Variants in ZNF219 observed in about 807,000 individuals in gnomAD.
ZNF219 encodes the protein zinc finger protein 219.
In ZNF219, 17 loss-of-function variants were observed where a neutral mutation model predicts 54.4. That is an observed-to-expected ratio of 0.31 (90% CI 0.21 to 0.47). ZNF219 has a LOEUF of 0.47. Ranked by LOEUF, ZNF219 falls within the 20% of genes least tolerant of loss-of-function variation. The pLI is 1.00. For missense variants in ZNF219, 1,014 were observed against 1,062.3 expected (o/e 0.95, Z 0.63); for synonymous variants, 518 against 476.4 (o/e 1.09, Z -1.14).
In ZNF219 at chr14:21,090,395, C is replaced by T. The variant is rs1888733971; in HGVS notation, c.*141G>A. 6 of 1,194,868 alleles carry T rather than the reference C, an allele frequency of 5.0e-6. No homozygotes were observed. The East Asian group carries it at 1.0e-4, about 20-fold the overall frequency. The allele number at this position is 1,194,868 out of a possible 1,614,324, so 74.0% of individuals were successfully genotyped here. On this transcript the variant is annotated 3_prime_UTR_variant, in exon 5 of 5. Transcript: ENST00000360947. This position sits in a 1 kb window ranked among gnomAD's most constrained non-coding sequence, Gnocchi z 4.4. ...CCGCCAGCCCACCCTCCTACGCCCG[C>T]CGCGCCTTCCACCTCTGGTCCGCCT...
At chr14:21,093,964 C>T in intron 1 of ZNF219, 1 of 389,010 alleles carries the variant, frequency 2.6e-6, no homozygotes. Flanking sequence ...GGAAGACCAT[C>T]ACAATATGCC....
At chr14:21,102,379 G>A, upstream of ZNF219, 1 of 1,551,060 alleles carries the variant, frequency 6.4e-7, no homozygotes, top group Non-Finnish European at 8.7e-7. Context: ...CCTAGGCTGG[G>A]CAGGGCTGAG....
Position 21,092,709 on chromosome 14 carries a change from G to C in ZNF219, c.588C>G (p.Phe196Leu). The C allele has an allele frequency of 6.3e-7, 1 of 1,582,900 alleles. No homozygotes were observed. The highest frequency in any genetic ancestry group is 8.6e-7 in the Non-Finnish European group (1 of 1,165,906). The stretch of plus-strand genomic sequence containing the variant: ...GCAGCTCCTCCTCCTGGCTGGAGCC[G>C]AAACTGCACAGGCCGCACTTCCAGG... ...HRPWKCGLCSFGSSQEEELLH... is the reference protein window; with the variant it reads ...HRPWKCGLCSLGSSQEEELLH... Residue 196 changes from phenylalanine (F) to leucine (L), a missense_variant, in exon 3 of 5, where the codon TTC (phenylalanine) becomes TTG (leucine). Phe to Leu is a conservative substitution (Grantham distance 22). Transcript: ENST00000360947.
chr14:21,096,937 G>T (rs1445401012), intron 1 of ZNF219, among the ~76,000 whole-genome samples: 2 of 152,204 alleles, frequency 1.3e-5, no homozygotes, highest in Non-Finnish European at 2.9e-5. Flanking sequence ...GGGTCCAGTT[G>T]TAACTGCCTC....
chr14:21,091,103 C>A lies in ZNF219; in HGVS notation c.1602G>T (p.Ala534=). The part of the protein sequence containing the change: ...RPYKCPHCDY[A]GTQSGSLKYH... The stretch of plus-strand genomic sequence containing the variant: ...ACTTGAGCGAGCCGGACTGGGTGCC[C>A]GCGTAGTCGCAGTGCGGACACTTGT... The change falls in exon 5 of 5, where the codon GCG becomes GCT. Residue 534 remains alanine (A), a synonymous_variant. Coordinates refer to ENST00000360947, the MANE Select transcript of ZNF219 (RefSeq NM_016423.3). 3 of 1,582,496 alleles carry A rather than the reference C, an allele frequency of 1.9e-6. No individual in the cohort carries two copies. Among genetic ancestry groups the A allele is most frequent in the East Asian group, 2.3e-5 (1 of 43,578 alleles).
intron 3 of ZNF219, 135 bp downstream of exon 3, chr14:21,091,730 A>G: frequency 7.0e-7 from 1 of 1,422,220 alleles, no homozygotes; most frequent in Non-Finnish European, 9.2e-7. Flanking sequence ...CTCCAGGAAA[A>G]CAAAACAAAA....
At position 21,091,516 on chromosome 14, in the gene ZNF219, T is replaced by G. The variant is rs1594594404; in HGVS notation, c.1459A>C (p.Thr487Pro). The G allele has an allele frequency of 1.2e-6, 2 of 1,607,122 alleles. No homozygotes were observed. The highest frequency in any genetic ancestry group is 1.7e-6 in the Non-Finnish European group (2 of 1,175,020). The change falls in exon 4 of 5, where the codon ACC (threonine) becomes CCC (proline). Residue 487 changes from threonine to proline, a missense_variant. By Grantham distance (38) the Thr-to-Pro change is conservative (BLOSUM62 -1). Around this residue, in one of 5 missense-constraint regions of ZNF219, gnomAD observed 272 missense variants for 248.9 expected, o/e 1.09. Coordinates refer to ENST00000360947, the MANE Select transcript of ZNF219 (RefSeq NM_016423.3). ...GCGCCCCGGCCCCCTTCAGGCCGGG[T>G]CCCTCCAACCAACAGCCCATTCTCT... ...QEENGLLVGG[T>P]RPEGGRGATG...
chr14:21,099,596 C>T (rs141101171), upstream of ZNF219, among the ~76,000 whole-genome samples: 670 of 152,342 alleles, frequency 4.4e-3, 7 homozygotes, highest in African/African-American at 0.015. Flanking sequence ...CCTCCCTCCT[C>T]GTACTAACTT....
chr14:21,100,668 G>GA (rs1889578169), upstream of ZNF219, among the ~76,000 whole-genome samples: 1 of 152,184 alleles, frequency 6.6e-6, no homozygotes, highest in Non-Finnish European at 1.5e-5. Context: ...AAGAAAGAAG[G>GA]AAGGGAGACT....
chr14:21,102,661 G>A, upstream of ZNF219: 2 of 1,551,552 alleles, frequency 1.3e-6, no homozygotes, highest in African/African-American at 2.7e-5. Flanking sequence ...CTGGAACTCA[G>A]TGCTGAGGCC....
At chr14:21,099,443 C>T (rs1453432328), upstream of ZNF219, among the ~76,000 whole-genome samples, 2 of 152,162 alleles carry the variant, frequency 1.3e-5, no homozygotes, top group Non-Finnish European at 2.9e-5. Flanking sequence ...GGAGTAGACA[C>T]ACAGCAGTTT....
At chr14:21,097,265 T>C (rs915559566) in intron 1 of ZNF219, 1 of 152,236 alleles carries the variant, frequency 6.6e-6, no homozygotes, top group South Asian at 2.1e-4. Context: ...GTTAGGGACA[T>C]GGAACCTCAG....
upstream of ZNF219, chr14:21,102,224 G>A (rs897208794): frequency 7.7e-6 from 11 of 1,436,978 alleles, no homozygotes; most frequent in Admixed American, 2.5e-4. Flanking sequence ...CATTCTCTCA[G>A]CTGTCACCAC....
intron 1 of ZNF219, chr14:21,097,454 C>T (rs1889337434): frequency 6.6e-6 from 1 of 152,252 alleles, no homozygotes; most frequent in Non-Finnish European, 1.5e-5. Flanking sequence ...CCCTAAGTCC[C>T]TTTAAGTGGA....
chr14:21,093,506 G>A (rs779951824), intron 2 of ZNF219, 80 bp downstream of exon 2: 90 of 1,535,344 alleles, frequency 5.9e-5, no homozygotes, highest in Non-Finnish European at 7.8e-5. Context: ...ATAATGGGAG[G>A]TCAAAGAGAG....
At chr14:21,101,534 A>G, upstream of ZNF219, 2 of 1,278,984 alleles carry the variant, frequency 1.6e-6, no homozygotes, top group Non-Finnish European at 2.2e-6. Context: ...ATCCATGTTA[A>G]GTGAGCACCT....
At chr14:21,101,545 ACCATGTG>A, upstream of ZNF219, 1 of 1,184,188 alleles carries the variant, frequency 8.4e-7, no homozygotes, top group African/African-American at 1.5e-5. Context: ...GTGAGCACCT[ACCATGTG>A]CCAGAAACTG....
chr14:21,094,285 G>A, intron 1 of ZNF219: 7 of 439,444 alleles, frequency 1.6e-5, no homozygotes, highest in South Asian at 1.1e-4. Flanking sequence ...GGAGGGGCAT[G>A]AAGGGGGAGG....
At chr14:21,104,347 C>A (rs74036601) in intron 1 of ZNF219, 9,015 of 152,420 alleles carry the variant, frequency 0.059, 874 homozygotes, top group African/African-American at 0.2. Flanking sequence ...GCTGCGTTCA[C>A]CCCCACCGTT....
Sources: gnomAD v4.1 joint callset for allele counts (sites outside exome capture counted in the v4.1 genomes callset) on GRCh38, gnomAD v4.1.1 for gene constraint, gnomAD v4.1.1 regional missense constraint, Gnocchi (gnomAD v3.1) non-coding constraint, MANE v1.5 for transcripts, NCBI Gene and HGNC (gene_info 2026-07-23, HGNC 2026-07-21) for gene names.